The following MAPK10 variants were observed in gnomAD, a reference collection of about 807,000 sequenced individuals.
The protein encoded by MAPK10 is JNK3 alpha protein kinase.
Under a neutral mutation model 59.3 loss-of-function variants are expected in MAPK10, and 25 were observed. The ratio of observed to expected loss-of-function variants is 0.42; its 90% CI spans 0.31 to 0.59. The LOEUF is 0.59. Ranked by LOEUF, MAPK10 falls within the 20% of genes least tolerant of loss-of-function variation. MAPK10 has a pLI of 0.15. For missense variants in MAPK10, 351 were observed against 568.9 expected (o/e 0.62, Z 3.90); for synonymous variants, 190 against 200.5 (o/e 0.95, Z 0.44).
chr4:86,470,433 T>C (rs1752564922), intron 1 of MAPK10, among the ~76,000 whole-genome samples: 1 of 152,180 alleles, frequency 6.6e-6, no homozygotes. Flanking sequence ...AACATTTATG[T>C]CTTCTAGGAG....
intron 9 of MAPK10, chr4:86,095,183 C>G (rs1286428993): frequency 6.6e-6 from 1 of 151,186 alleles, no homozygotes; most frequent in East Asian, 1.9e-4. Flanking sequence ...AATTCAGTAA[C>G]CAAGACAATT....
chr4:86,117,058 A>T (rs6821745), intron 4 of MAPK10, among the ~76,000 whole-genome samples: 4 of 152,112 alleles, frequency 2.6e-5, no homozygotes, highest in Non-Finnish European at 5.9e-5. Context: ...TTTCAAGTAT[A>T]TCCCATGACA....
chr4:86,097,029 T>C (rs2054352988), intron 9 of MAPK10, among the ~76,000 whole-genome samples: 1 of 152,054 alleles, frequency 6.6e-6, no homozygotes, highest in South Asian at 2.1e-4. Flanking sequence ...AAGTTTAATG[T>C]CCACATTCAA....
At chr4:86,548,891 T>C (rs1262960888) in intron 1 of MAPK10, among the ~76,000 whole-genome samples, 1 of 152,182 alleles carries the variant, frequency 6.6e-6, no homozygotes, top group East Asian at 1.9e-4. Context: ...TAGATTTTGG[T>C]TCCTTTAAAA....
chr4:86,305,820 C>CAAAAAAAAAAAAAAAAAA (rs34255377), intron 2 of MAPK10, among the ~76,000 whole-genome samples: 1 of 112,036 alleles, frequency 8.9e-6, no homozygotes. Flanking sequence ...ACTCCATCTC[C>CAAAAAAAAAAAAAAAAAA]AAAAAAAAAA....
chr4:86,081,060 G>A (rs1486124970), intron 9 of MAPK10: 2 of 151,992 alleles, frequency 1.3e-5, no homozygotes, highest in Non-Finnish European at 2.9e-5. Context: ...TGTTCATGGT[G>A]CAGAGATAGA....
At chr4:86,474,707 A>G (rs1010737232) in intron 1 of MAPK10, among the ~76,000 whole-genome samples, 1 of 152,246 alleles carries the variant, frequency 6.6e-6, no homozygotes, top group Non-Finnish European at 1.5e-5. Context: ...CAGCTAATAT[A>G]AAGTGAGCAT....
At chr4:86,214,312 A>G (rs1220144995) in intron 2 of MAPK10, among the ~76,000 whole-genome samples, 1 of 152,090 alleles carries the variant, frequency 6.6e-6, no homozygotes, top group East Asian at 1.9e-4. Flanking sequence ...ATATTCCTCT[A>G]ACATCAGGAA....
rs191515686 is a variant in MAPK10, at chr4:86,081,902, G to T, written c.803-13947C>A. The T allele has an allele frequency of 5.3e-4, 80 of 151,364 alleles. No individual in the cohort carries two copies. In the Middle Eastern group the frequency reaches 0.01, roughly 20 times the overall value. 9.4% of individuals were successfully genotyped at this position (151,364 alleles called of 1,614,324 possible). On this transcript the variant is annotated intron_variant, in intron 9 of 13. Transcript: ENST00000641462. ...AAGAAAAAAAAAAACAGTAAAATCC[G>T]TATATATTCCAAAGTCTACTTATAG...
At chr4:86,309,102 C>A (rs1276680728) in intron 2 of MAPK10, among the ~76,000 whole-genome samples, 1 of 152,112 alleles carries the variant, frequency 6.6e-6, no homozygotes, top group African/African-American at 2.4e-5. Context: ...ATTTTAAATT[C>A]AAAGTCTTAT....
At chr4:86,334,522 C>G (rs1719870281) in intron 2 of MAPK10, among the ~76,000 whole-genome samples, 1 of 152,144 alleles carries the variant, frequency 6.6e-6, no homozygotes, top group South Asian at 2.1e-4. Flanking sequence ...TAATTTGACC[C>G]TGCATACTTC....
intron 1 of MAPK10, among the ~76,000 whole-genome samples, chr4:86,481,511 C>T (rs375188621): frequency 6.6e-6 from 1 of 151,640 alleles, no homozygotes; most frequent in Non-Finnish European, 1.5e-5. Context: ...TGCAATCCCT[C>T]TTGCTTACCT....
intron 1 of MAPK10, among the ~76,000 whole-genome samples, chr4:86,489,070 A>G (rs1336071892): frequency 1.3e-5 from 2 of 152,202 alleles, no homozygotes; most frequent in Non-Finnish European, 2.9e-5. Context: ...AAGATACTCT[A>G]GCCAACAGCC....
At chr4:86,040,712 C>G (rs969682911) in intron 11 of MAPK10, among the ~76,000 whole-genome samples, 5 of 151,842 alleles carry the variant, frequency 3.3e-5, no homozygotes, top group Non-Finnish European at 7.4e-5. Flanking sequence ...AAGAAAGGAT[C>G]CTAAAGGCAC....
At chr4:86,355,926 G>A (rs1258562044) in intron 1 of MAPK10, among the ~76,000 whole-genome samples, 1 of 152,044 alleles carries the variant, frequency 6.6e-6, no homozygotes, top group African/African-American at 2.4e-5. Flanking sequence ...AAGCACATAG[G>A]GCACCCAGGC....
At chr4:86,060,320 A>G (rs1023317588) in intron 11 of MAPK10, among the ~76,000 whole-genome samples, 2 of 152,204 alleles carry the variant, frequency 1.3e-5, no homozygotes, top group African/African-American at 4.8e-5. Context: ...GCAAGGAACA[A>G]GAACTACAAA....
At chr4:86,057,270 A>G (rs1378671151) in intron 11 of MAPK10, among the ~76,000 whole-genome samples, 1 of 150,042 alleles carries the variant, frequency 6.7e-6, no homozygotes, top group Non-Finnish European at 1.5e-5. Flanking sequence ...CAGTCAAATA[A>G]TAGTTTAAAA....
At chr4:86,262,075 T>C (rs1387479118) in intron 2 of MAPK10, among the ~76,000 whole-genome samples, 1 of 152,252 alleles carries the variant, frequency 6.6e-6, no homozygotes, top group Non-Finnish European at 1.5e-5. Context: ...TATGAATTGC[T>C]ATGAATGTGT....
intron 1 of MAPK10, among the ~76,000 whole-genome samples, chr4:86,407,882 C>T (rs4521313): frequency 0.26 from 38,834 of 151,208 alleles, 5,599 homozygotes; most frequent in Non-Finnish European, 0.32. Flanking sequence ...AATTTCAGGC[C>T]GGGTGAGCAA....
Sources: gnomAD v4.1 joint callset for allele counts (sites outside exome capture counted in the v4.1 genomes callset) on GRCh38, gnomAD v4.1.1 for gene constraint, MANE v1.5 for transcripts, NCBI Gene and HGNC (gene_info 2026-07-23, HGNC 2026-07-21) for gene names.